The following AGMO variants were observed in gnomAD, a reference collection of about 807,000 sequenced individuals.
AGMO encodes the protein alkylglycerol monooxygenase.
A neutral mutation model predicts 60.2 loss-of-function variants in AGMO; 75 were observed. The ratio of observed to expected loss-of-function variants is 1.25; its 90% confidence interval spans 1.03 to 1.51. The LOEUF (loss-of-function observed/expected upper bound fraction) is 1.51. AGMO is among the 40% of genes most tolerant of loss of function. AGMO has a pLI of 0.00. For missense variants in AGMO, 763 were observed against 525.5 expected, an observed-to-expected ratio of 1.45 and a Z score of -4.42; for synonymous variants, 261 against 177.1, an observed-to-expected ratio of 1.47 and a Z score of -3.76.
rs1246809653 is a variant in AGMO at position 15,358,469 on chromosome 7, T to C, written c.1263+7045A>G. 10 of 469,122 alleles carry C rather than the reference T, an allele frequency of 2.1e-5. 1 individual carries two copies. Among genetic ancestry groups the C allele is most frequent in the South Asian group, 1.2e-4 (8 of 64,118 alleles). 29.1% of individuals were successfully genotyped at this position (469,122 alleles called of 1,614,324 possible). On this transcript the variant is annotated intron_variant, in intron 12 of 12. Transcript: ENST00000342526. ...TCCTAAAGGGTGAGATACGTACTAATTAATGTTGGTACTCCGTGATTTCAG... is the reference window on the plus strand; with the variant it reads ...TCCTAAAGGGTGAGATACGTACTAACTAATGTTGGTACTCCGTGATTTCAG...
At chr7:15,278,895 T>A (rs1783880923) in intron 12 of AGMO, among the ~76,000 whole-genome samples, 2 of 152,104 alleles carry the variant, frequency 1.3e-5, no homozygotes, top group Admixed American at 1.3e-4. Flanking sequence ...GAACTGACAC[T>A]GAAGCATGGA....
chr7:15,380,222 T>C (rs1167813211), intron 10 of AGMO, among the ~76,000 whole-genome samples: 4 of 151,874 alleles, frequency 2.6e-5, no homozygotes, highest in Non-Finnish European at 4.4e-5. Flanking sequence ...GATCAAACTA[T>C]CCCTATTTGC....
chr7:15,196,404 T>C (rs923678388), downstream of AGMO, among the ~76,000 whole-genome samples: 5 of 152,298 alleles, frequency 3.3e-5, no homozygotes, highest in South Asian at 8.3e-4. Context: ...CAGAAAACTT[T>C]GGTGGCATGT....
At chr7:15,495,597 C>T (rs907234631) in intron 3 of AGMO, among the ~76,000 whole-genome samples, 2 of 152,178 alleles carry the variant, frequency 1.3e-5, no homozygotes, top group Admixed American at 6.5e-5. Context: ...TTTTTCAGCA[C>T]ATTTACTGTC....
At chr7:15,152,625 TA>T in the AGMO span, among the ~76,000 whole-genome samples, 1 of 152,186 alleles carries the variant, frequency 6.6e-6, no homozygotes, top group African/African-American at 2.4e-5. Flanking sequence ...TTACTTAACT[TA>T]AAATAATAGT....
intron 12 of AGMO, among the ~76,000 whole-genome samples, chr7:15,282,041 C>T (rs1328106081): frequency 6.6e-6 from 1 of 152,016 alleles, no homozygotes; most frequent in Non-Finnish European, 1.5e-5. Context: ...AAATTCACAT[C>T]TCCAAGGAAA....
chr7:15,137,086 T>A, the AGMO span, among the ~76,000 whole-genome samples: 1 of 152,234 alleles, frequency 6.6e-6, no homozygotes, highest in Admixed American at 6.5e-5. Context: ...CGCAGTTGGT[T>A]GTGAATTTTC....
chr7:15,120,560 C>G, the AGMO span, among the ~76,000 whole-genome samples: 3 of 152,110 alleles, frequency 2.0e-5, no homozygotes, highest in Admixed American at 6.6e-5. Context: ...AACTCCTTCT[C>G]TCCACCCTGT....
chr7:15,530,509 CTA>C (rs10608290), intron 3 of AGMO, among the ~76,000 whole-genome samples: 370 of 16,502 alleles, frequency 0.022, 1 homozygote, highest in East Asian at 0.058. Context: ...ATACGTATTT[CTA>C]TATATATATT....
At chr7:15,230,431 C>T (rs1243489160) in intron 12 of AGMO, among the ~76,000 whole-genome samples, 2 of 152,128 alleles carry the variant, frequency 1.3e-5, no homozygotes, top group Non-Finnish European at 2.9e-5. Flanking sequence ...CCTGACAGGT[C>T]CCACATGGGA....
the AGMO span, among the ~76,000 whole-genome samples, chr7:15,152,805 G>GTTTTTTGTATAA: frequency 6.6e-6 from 1 of 152,136 alleles, no homozygotes; most frequent in South Asian, 2.1e-4. Flanking sequence ...CTATAAAGGT[G>GTTTTTTGTATAA]TGTATGCAAG....
At chr7:15,244,132 G>C (rs1782672545) in intron 12 of AGMO, among the ~76,000 whole-genome samples, 1 of 151,908 alleles carries the variant, frequency 6.6e-6, no homozygotes, top group South Asian at 2.1e-4. Flanking sequence ...TGAGAGTTAA[G>C]AAAGAAGGGA....
chr7:15,546,059 T>C (rs1040907906), intron 2 of AGMO, among the ~76,000 whole-genome samples: 1 of 152,152 alleles, frequency 6.6e-6, no homozygotes, highest in African/African-American at 2.4e-5. Context: ...ACAGAGTCAG[T>C]TTCTGTGAAT....
chr7:15,257,359 C>T (rs1206793975), intron 12 of AGMO, among the ~76,000 whole-genome samples: 1 of 151,904 alleles, frequency 6.6e-6, no homozygotes, highest in Non-Finnish European at 1.5e-5. Context: ...TGATTTAATG[C>T]TGTTTTAATG....
the AGMO span, among the ~76,000 whole-genome samples, chr7:15,166,433 A>T: frequency 1.3e-4 from 20 of 152,164 alleles, no homozygotes; most frequent in Non-Finnish European, 1.5e-5. Flanking sequence ...AGAGTAGTAA[A>T]GGAGGAGTCA....
chr7:15,133,705 T>C, the AGMO span, among the ~76,000 whole-genome samples: 1 of 152,110 alleles, frequency 6.6e-6, no homozygotes, highest in South Asian at 2.1e-4. Context: ...AAGCCTATAA[T>C]CCCAAAAACT....
At chr7:15,289,943 CTTTTTTTTTTT>C (rs36074413) in intron 12 of AGMO, among the ~76,000 whole-genome samples, 1 of 31,364 alleles carries the variant, frequency 3.2e-5, no homozygotes, top group East Asian at 1.4e-3. Context: ...TTCCAGAAAT[CTTTTTTTTTTT>C]TTTTTTTTTT....
At chr7:15,201,811 A>G (rs1016536956) in intron 12 of AGMO, among the ~76,000 whole-genome samples, 5 of 152,164 alleles carry the variant, frequency 3.3e-5, no homozygotes, top group South Asian at 2.1e-4. Flanking sequence ...ATTTCGCCCA[A>G]CGTGAATTAA....
At chr7:15,365,227 C>T (rs572615884) in intron 12 of AGMO, among the ~76,000 whole-genome samples, 2 of 151,826 alleles carry the variant, frequency 1.3e-5, no homozygotes, top group African/African-American at 4.8e-5. Flanking sequence ...TGAGAACCTA[C>T]TACATGGTCT....
Sources: allele counts gnomAD v4.1 joint callset (sites outside exome capture counted in the v4.1 genomes callset), GRCh38; gene constraint gnomAD v4.1.1; transcripts MANE v1.5; gene names NCBI Gene and HGNC (gene_info 2026-07-23, HGNC 2026-07-21).